Variants in COL25A1 observed in about 807,000 individuals in gnomAD.
The protein encoded by COL25A1 is collagen type XXV alpha 1 chain, also known as collagen alpha-1(XXV) chain.
Under a neutral mutation model 128.4 loss-of-function variants are expected in COL25A1, and 103 were observed. The ratio of observed to expected loss-of-function variants is 0.80; its 90% CI spans 0.68 to 0.94. COL25A1 has a LOEUF of 0.94. COL25A1 is among the 40% of genes least tolerant of loss of function. COL25A1 has a pLI of 0.00. For synonymous variants in COL25A1, 279 were observed against 277.2 expected (o/e 1.01, Z -0.06); for missense variants, 745 against 840.0 (o/e 0.89, Z 1.40).
At chr4:109,152,522 A>T (rs1771600040) in intron 3 of COL25A1, among the ~76,000 whole-genome samples, 1 of 152,224 alleles carries the variant, frequency 6.6e-6, no homozygotes, top group Non-Finnish European at 1.5e-5. Context: ...TCATATAGTG[A>T]AGCAAAAGTT....
At chr4:109,115,858 A>C (rs569276617) in intron 3 of COL25A1, among the ~76,000 whole-genome samples, 1 of 152,004 alleles carries the variant, frequency 6.6e-6, no homozygotes, top group East Asian at 1.9e-4. Context: ...CCAAGATGAC[A>C]TCTCAATACT....
At chr4:108,827,077 A>G in intron 33 of COL25A1, 58 bp downstream of exon 33, 5 of 1,462,804 alleles carry the variant, frequency 3.4e-6, no homozygotes, top group Middle Eastern at 3.4e-4. Context: ...TAACCGTGTC[A>G]GTGACTGGTC....
At chr4:108,953,873 C>G (rs1259915162) in intron 8 of COL25A1, among the ~76,000 whole-genome samples, 5 of 152,066 alleles carry the variant, frequency 3.3e-5, no homozygotes, top group Non-Finnish European at 7.4e-5. Flanking sequence ...ACAAACAAAA[C>G]AACTGTAGGA....
intron 3 of COL25A1, among the ~76,000 whole-genome samples, chr4:109,225,523 T>C (rs558105299): frequency 4.8e-4 from 73 of 152,284 alleles, no homozygotes; most frequent in Middle Eastern, 3.4e-3. Flanking sequence ...TAGTACCGCC[T>C]CTATGGAAAA....
At chr4:109,114,112 A>G (rs1049234782) in intron 3 of COL25A1, among the ~76,000 whole-genome samples, 3 of 152,116 alleles carry the variant, frequency 2.0e-5, no homozygotes, top group Non-Finnish European at 4.4e-5. Context: ...GAAGTGAAAC[A>G]TCCTTCCCAC....
At chr4:109,230,694 A>G (rs1242005880) in intron 3 of COL25A1, among the ~76,000 whole-genome samples, 1 of 152,216 alleles carries the variant, frequency 6.6e-6, no homozygotes, top group Non-Finnish European at 1.5e-5. Flanking sequence ...AATAAAATGA[A>G]ATAATAAAAA....
intron 8 of COL25A1, among the ~76,000 whole-genome samples, chr4:108,942,727 G>A (rs1239415199): frequency 1.3e-5 from 2 of 149,690 alleles, no homozygotes; most frequent in African/African-American, 4.9e-5. Flanking sequence ...TGGGATTACA[G>A]GCATGAGCCA....
chr4:108,918,289 A>G, intron 12 of COL25A1, 73 bp from the exon 13 acceptor site: 1 of 1,098,472 alleles, frequency 9.1e-7, no homozygotes, highest in Non-Finnish European at 1.3e-6. Context: ...ATATTGTATT[A>G]GTTATGTAAG....
At chr4:108,870,353 G>A (rs1370929361) in intron 19 of COL25A1, among the ~76,000 whole-genome samples, 2 of 151,848 alleles carry the variant, frequency 1.3e-5, no homozygotes, top group Non-Finnish European at 2.9e-5. Flanking sequence ...GGTATTGGGT[G>A]GGGAACAAAA....
At chr4:109,276,612 G>A (rs758123611) in intron 3 of COL25A1, among the ~76,000 whole-genome samples, 1 of 152,040 alleles carries the variant, frequency 6.6e-6, no homozygotes, top group Admixed American at 6.6e-5. Context: ...AGAGGTTAGG[G>A]AAGGAAACAT....
At chr4:108,973,442 C>T (rs1040837822) in intron 8 of COL25A1, among the ~76,000 whole-genome samples, 7 of 152,184 alleles carry the variant, frequency 4.6e-5, no homozygotes, top group African/African-American at 7.2e-5. Context: ...AACTACAAAC[C>T]TTTCAAGTTT....
rs574607631 is a variant in COL25A1 at position 109,031,174 on chromosome 4, C to T, written c.420+16994G>A. 2.0e-5 allele frequency among the ~76,000 whole-genome samples: 3 copies of T among 152,288 alleles called. No individual in the cohort carries two copies. In the East Asian group the frequency reaches 5.8e-4, roughly 29 times the overall value. On this transcript the variant is annotated intron_variant, in intron 5 of 37. Transcript: ENST00000399132. Reference sequence around the variant, plus strand: ...TCGCCCAGGCTGGAGTGCAGTGGCGCGATCTCGGCTCACTGCAAGCTCCAC... The same window carrying T: ...TCGCCCAGGCTGGAGTGCAGTGGCGTGATCTCGGCTCACTGCAAGCTCCAC...
intron 8 of COL25A1, among the ~76,000 whole-genome samples, chr4:108,971,182 A>G (rs1352128588): frequency 2.6e-5 from 4 of 152,178 alleles, no homozygotes; most frequent in Non-Finnish European, 5.9e-5. Flanking sequence ...GAGGGATATA[A>G]CATATAACCA....
intron 3 of COL25A1, among the ~76,000 whole-genome samples, chr4:109,113,372 A>G (rs1767208557): frequency 6.6e-6 from 1 of 152,122 alleles, no homozygotes; most frequent in African/African-American, 2.4e-5. Flanking sequence ...TAATAACACA[A>G]GAGAATTTTT....
chr4:108,857,907 T>G lies in COL25A1; in HGVS notation c.1320+1749A>C, dbSNP rs184954873. Among the ~76,000 whole-genome samples, 23 of 152,282 alleles carry G rather than the reference T, an allele frequency of 1.5e-4. No individual in the cohort carries two copies. In the East Asian group the frequency reaches 4.4e-3, roughly 29 times the overall value. On this transcript the variant is annotated intron_variant, in intron 24 of 37. Transcript: ENST00000399132. ...GACTAAAATCAACTATGGAGTTTGA[T>G]TTTAAATAGTAAACCACTAGAACCC...
intron 3 of COL25A1, among the ~76,000 whole-genome samples, chr4:109,122,741 G>C (rs774570268): frequency 6.6e-6 from 1 of 152,076 alleles, no homozygotes; most frequent in Admixed American, 6.6e-5. Context: ...AAAGACACAT[G>C]TAAGCATGGT....
At chr4:109,046,351 G>A (rs1760429561) in intron 5 of COL25A1, among the ~76,000 whole-genome samples, 1 of 152,176 alleles carries the variant, frequency 6.6e-6, no homozygotes, top group Non-Finnish European at 1.5e-5. Context: ...CCTCAAGAAA[G>A]CGAGAGCTAT....
At chr4:108,856,316 T>C (rs1196110483) in intron 24 of COL25A1, among the ~76,000 whole-genome samples, 2 of 152,206 alleles carry the variant, frequency 1.3e-5, no homozygotes, top group African/African-American at 4.8e-5. Context: ...GCAATGTTTA[T>C]GTAAATCACA....
intron 8 of COL25A1, among the ~76,000 whole-genome samples, chr4:108,948,504 G>A (rs6815034): frequency 0.22 from 33,567 of 151,782 alleles, 3,789 homozygotes; most frequent in Non-Finnish European, 0.24. Context: ...ATTCTACTAC[G>A]TTTTCTCATA....
Sources: gnomAD v4.1 joint callset for allele counts (sites outside exome capture counted in the v4.1 genomes callset) on GRCh38, gnomAD v4.1.1 for gene constraint, MANE v1.5 for transcripts, NCBI Gene and HGNC (gene_info 2026-07-23, HGNC 2026-07-21) for gene names.